The following RPRD1A variants were observed in gnomAD, a reference collection of about 807,000 sequenced individuals.
The protein encoded by RPRD1A is regulation of nuclear pre-mRNA domain containing 1A.
In RPRD1A, 9 loss-of-function variants were observed where a neutral mutation model predicts 37.8. The observed-to-expected ratio is 0.24, with a 90% confidence interval of 0.14 to 0.42. RPRD1A has a LOEUF of 0.42. RPRD1A is among the 10% of genes least tolerant of loss of function. The pLI, the probability that RPRD1A is intolerant of heterozygous loss-of-function variation, is 1.00. For synonymous variants in RPRD1A, 138 were observed against 139.7 expected, an observed-to-expected ratio of 0.99 and a Z score of 0.08; for missense variants, 255 against 371.0, an observed-to-expected ratio of 0.69 and a Z score of 2.57.
intron 6 of RPRD1A, among the ~76,000 whole-genome samples, chr18:36,019,504 ATC>A (rs760409437): frequency 5.5e-4 from 83 of 152,276 alleles, no homozygotes; most frequent in Admixed American, 1.2e-3. Flanking sequence ...GGAGCAGAAG[ATC>A]ATCTTATAAG....
chr18:36,015,221 T>C (rs1449274105), intron 6 of RPRD1A, among the ~76,000 whole-genome samples: 1 of 150,020 alleles, frequency 6.7e-6, no homozygotes, highest in Non-Finnish European at 1.5e-5. Flanking sequence ...TACTTTTTTT[T>C]TTTTTTTTTG....
At chr18:36,053,668 G>A (rs764842006) in intron 1 of RPRD1A, among the ~76,000 whole-genome samples, 9 of 152,050 alleles carry the variant, frequency 5.9e-5, no homozygotes, top group South Asian at 2.1e-4. Context: ...TTCAAGTCTC[G>A]TAAACATATA....
intron 6 of RPRD1A, chr18:36,026,679 C>T (rs940326709): frequency 2.6e-6 from 1 of 392,100 alleles, no homozygotes; most frequent in South Asian, 6.4e-5. Flanking sequence ...TTTTTAAATG[C>T]AATCAATTTT....
intron 1 of RPRD1A, among the ~76,000 whole-genome samples, chr18:36,057,257 A>T (rs933335738): frequency 2.7e-5 from 4 of 150,380 alleles, no homozygotes; most frequent in South Asian, 4.2e-4. Context: ...TATATATATC[A>T]CACACACACA....
chr18:36,030,113 C>G (rs1173385913), intron 4 of RPRD1A, among the ~76,000 whole-genome samples: 1 of 151,436 alleles, frequency 6.6e-6, no homozygotes, highest in Non-Finnish European at 1.5e-5. Flanking sequence ...GCCACTCTAA[C>G]ACTACTTTTT....
intron 4 of RPRD1A, among the ~76,000 whole-genome samples, chr18:36,028,949 G>A (rs570526044): frequency 2.0e-4 from 30 of 152,340 alleles, no homozygotes; most frequent in Admixed American, 3.9e-4. Flanking sequence ...AGCGGAAGGA[G>A]ACCAGATCCT....
In RPRD1A at chr18:36,030,852, T is replaced by C. The variant is rs982502014; in HGVS notation, c.442A>G (p.Asn148Asp). ...RTYEQIKVDE[N>D]ENCSSLGSPS... Reference sequence around the variant, plus strand: ...GATCCCAGAGAGGAACAGTTTTCATTTTCATCCACCTTTATCTGTTCATAA... The same window carrying C: ...GATCCCAGAGAGGAACAGTTTTCATCTTCATCCACCTTTATCTGTTCATAA... Residue 148 changes from asparagine (N) to aspartate (D), a missense_variant, in exon 4 of 7, where the codon AAT becomes GAT. Physicochemically the swap from Asn to Asp is conservative, Grantham distance 23. Coordinates refer to ENST00000399022, the MANE Select transcript of RPRD1A (RefSeq NM_018170.5). The C allele has an allele frequency of 1.2e-6, 2 of 1,613,496 alleles. No homozygotes were observed. The highest frequency in any genetic ancestry group is 2.7e-5 in the African/African-American group (2 of 74,896).
At chr18:36,041,125 C>T (rs1489445198) in intron 1 of RPRD1A, among the ~76,000 whole-genome samples, 1 of 152,144 alleles carries the variant, frequency 6.6e-6, no homozygotes, top group African/African-American at 2.4e-5. Context: ...GAACCTGTTC[C>T]TAACTTTCTG....
At chr18:35,994,924 A>G (rs892544399) in intron 6 of RPRD1A, among the ~76,000 whole-genome samples, 3 of 152,110 alleles carry the variant, frequency 2.0e-5, no homozygotes, top group African/African-American at 7.2e-5. Context: ...CTTTTCCATC[A>G]TACCACACTA....
intron 1 of RPRD1A, 150 bp downstream of exon 1, chr18:36,067,104 G>T (rs2089046206): frequency 5.7e-6 from 4 of 705,462 alleles, no homozygotes; most frequent in Non-Finnish European, 9.4e-6. Context: ...TTGCAGAAGC[G>T]TGGTGCACGC....
At chr18:36,052,645 G>A (rs1216739484) in intron 1 of RPRD1A, among the ~76,000 whole-genome samples, 1 of 152,026 alleles carries the variant, frequency 6.6e-6, no homozygotes, top group Non-Finnish European at 1.5e-5. Flanking sequence ...GTCACCCAGG[G>A]TGGAGTGCAA....
chr18:36,012,947 C>T (rs1412131853), intron 6 of RPRD1A, among the ~76,000 whole-genome samples: 1 of 152,160 alleles, frequency 6.6e-6, no homozygotes, highest in Non-Finnish European at 1.5e-5. Flanking sequence ...TTAGTCATCA[C>T]TCCAAATCAT....
At chr18:36,010,033 A>G (rs1469390332) in intron 6 of RPRD1A, among the ~76,000 whole-genome samples, 1 of 152,206 alleles carries the variant, frequency 6.6e-6, no homozygotes, top group Admixed American at 6.6e-5. Context: ...ATATTTACAT[A>G]CATCTTTGTA....
At chr18:36,001,231 ATGT>A (rs1909397728) in intron 6 of RPRD1A, among the ~76,000 whole-genome samples, 1 of 152,186 alleles carries the variant, frequency 6.6e-6, no homozygotes, top group African/African-American at 2.4e-5. Flanking sequence ...CCTAATAATG[ATGT>A]TTTGACCTTG....
chr18:36,035,425 C>A (rs1475875674), intron 1 of RPRD1A, among the ~76,000 whole-genome samples: 1 of 152,018 alleles, frequency 6.6e-6, no homozygotes, highest in Non-Finnish European at 1.5e-5. Flanking sequence ...CAAACAAAGC[C>A]AAAAACATTA....
rs894736459 is a variant in RPRD1A at position 35,991,493 on chromosome 18, A to G, written c.*1658T>C. On this transcript the variant is annotated 3_prime_UTR_variant, in exon 7 of 7. Transcript: ENST00000399022. Reference sequence around the variant, plus strand: ...AGGATCTATGATTAGTAACCTGTGAACCACGTTACAAGTGAAGGACATTCA... The same window carrying G: ...AGGATCTATGATTAGTAACCTGTGAGCCACGTTACAAGTGAAGGACATTCA... 6.6e-6 allele frequency: 1 copy of G among 152,188 alleles called. No individual in the cohort carries two copies. Among genetic ancestry groups the G allele is most frequent in the Non-Finnish European group, 1.5e-5 (1 of 68,026 alleles). The allele number at this position is 152,188 out of a possible 1,614,324, so 9.4% of individuals were successfully genotyped here.
intron 6 of RPRD1A, among the ~76,000 whole-genome samples, chr18:36,011,963 G>T (rs1007617609): frequency 6.6e-6 from 1 of 152,102 alleles, no homozygotes; most frequent in African/African-American, 2.4e-5. Context: ...TCTGAGTAGC[G>T]TAATTACATC....
At chr18:36,040,777 C>T in intron 1 of RPRD1A, 1 of 1,364,014 alleles carries the variant, frequency 7.3e-7, no homozygotes, top group Non-Finnish European at 9.9e-7. Flanking sequence ...GTGGTACTTA[C>T]ATAGAAGAAA....
Position 36,051,984 on chromosome 18 carries a change from A to C in RPRD1A, c.151+15270T>G, listed in dbSNP as rs545092851. ...AATCTACAAATCCAAAAAGCTTAAC[A>C]AACTTCAAGCAAGATAAACTCAAAC... On this transcript the variant is annotated intron_variant, in intron 1 of 6. Transcript: ENST00000399022. 4.6e-3 allele frequency among the ~76,000 whole-genome samples: 693 copies of C among 152,272 alleles called. 5 individuals are homozygous for C. Among genetic ancestry groups the C allele is most frequent in the Middle Eastern group, 6.8e-3 (2 of 294 alleles).
Sources: allele counts gnomAD v4.1 joint callset (sites outside exome capture counted in the v4.1 genomes callset), GRCh38; gene constraint gnomAD v4.1.1; transcripts MANE v1.5; gene names NCBI Gene and HGNC (gene_info 2026-07-23, HGNC 2026-07-21).